The following ATRNL1 variants were observed in gnomAD, a reference collection of about 807,000 sequenced individuals.
The protein encoded by ATRNL1 is attractin like 1.
A neutral mutation model predicts 182.7 loss-of-function variants in ATRNL1; 95 were observed. That is an observed-to-expected ratio of 0.52 (90% CI 0.44 to 0.62). ATRNL1 has a LOEUF of 0.62. Among genes scored for constraint, ATRNL1 ranks in the 20% least tolerant of loss-of-function variants. The probability of loss-of-function intolerance (pLI) is 0.00; values close to 1 mark genes in which losing one functional copy is unlikely to be tolerated. For synonymous variants in ATRNL1, 576 were observed against 568.3 expected (o/e 1.01, Z -0.19); for missense variants, 1,471 against 1,679.5 (o/e 0.88, Z 2.17).
At chr10:115,811,397 T>C (rs1555086963) in intron 27 of ATRNL1, among the ~76,000 whole-genome samples, 4 of 151,988 alleles carry the variant, frequency 2.6e-5, no homozygotes, top group Non-Finnish European at 1.5e-5. Flanking sequence ...GTATGGTCTG[T>C]ATGGTGAAGG....
chr10:115,104,410 C>G (rs1002901170), intron 1 of ATRNL1, among the ~76,000 whole-genome samples: 3 of 151,966 alleles, frequency 2.0e-5, no homozygotes, highest in African/African-American at 7.2e-5. Flanking sequence ...TTTCTTACAG[C>G]ATTGTTTGAG....
At chr10:115,932,783 AT>A (rs1555121934) in intron 28 of ATRNL1, among the ~76,000 whole-genome samples, 1 of 152,198 alleles carries the variant, frequency 6.6e-6, no homozygotes, top group African/African-American at 2.4e-5. Context: ...ACAAAAATTC[AT>A]TTTTTTCTAG....
Position 115,815,032 on chromosome 10 carries a change from G to T in ATRNL1, c.3904-32845G>T, listed in dbSNP as rs182610561. Among the ~76,000 whole-genome samples the T allele has an allele frequency of 2.2e-4, 34 of 152,240 alleles. 2 individuals are homozygous for T. The East Asian group carries it at 3.7e-3, about 16-fold the overall frequency. On this transcript the variant is annotated intron_variant, in intron 27 of 28. Transcript: ENST00000355044. ...ATCAAGTTAGAAGAAAATCTGAGGA[G>T]CACATTTCCAAGACAACCCACCTAC...
intron 20 of ATRNL1, among the ~76,000 whole-genome samples, chr10:115,401,512 A>G (rs1405231632): frequency 1.3e-5 from 2 of 152,140 alleles, no homozygotes; most frequent in African/African-American, 4.8e-5. Flanking sequence ...AAAATGAGGG[A>G]TTATGATATT....
At chr10:115,561,424 T>C (rs7079610) in intron 26 of ATRNL1, among the ~76,000 whole-genome samples, 4,027 of 152,206 alleles carry the variant, frequency 0.026, 149 homozygotes, top group African/African-American at 0.09. Context: ...ATTGAAAATA[T>C]TCTGAAAAAA....
chr10:115,793,345 A>C (rs561356792), intron 27 of ATRNL1, among the ~76,000 whole-genome samples: 1 of 152,232 alleles, frequency 6.6e-6, no homozygotes, highest in South Asian at 2.1e-4. Context: ...CTCATCATAG[A>C]AAATGATGGT....
chr10:115,284,658 C>T (rs1359974101), intron 14 of ATRNL1, among the ~76,000 whole-genome samples: 7 of 152,124 alleles, frequency 4.6e-5, no homozygotes, highest in African/African-American at 1.7e-4. Context: ...AGTACTGAGA[C>T]ATTATTTGCT....
chr10:115,721,147 G>T (rs1285813158), intron 26 of ATRNL1, among the ~76,000 whole-genome samples: 1 of 152,098 alleles, frequency 6.6e-6, no homozygotes, highest in Non-Finnish European at 1.5e-5. Flanking sequence ...GTTCTGTGAG[G>T]TTCCTGCCAG....
intron 8 of ATRNL1, among the ~76,000 whole-genome samples, chr10:115,187,956 A>G (rs1848014810): frequency 6.6e-6 from 1 of 150,726 alleles, no homozygotes; most frequent in South Asian, 2.1e-4. Flanking sequence ...CTGGGATTAT[A>G]GGCGTGAGCC....
intron 20 of ATRNL1, among the ~76,000 whole-genome samples, chr10:115,396,137 A>G (rs1351301670): frequency 1.3e-5 from 2 of 151,934 alleles, no homozygotes; most frequent in African/African-American, 4.8e-5. Flanking sequence ...TTAGCCACCT[A>G]AGTATTACAG....
At chr10:115,133,158 A>AATAT (rs1845336742) in intron 5 of ATRNL1, among the ~76,000 whole-genome samples, 2 of 152,202 alleles carry the variant, frequency 1.3e-5, no homozygotes, top group Admixed American at 1.3e-4. Context: ...ATGGCTAGCC[A>AATAT]GTTTTCCCAG....
chr10:115,136,462 A>G (rs915093062), intron 5 of ATRNL1, among the ~76,000 whole-genome samples: 1 of 152,206 alleles, frequency 6.6e-6, no homozygotes, highest in African/African-American at 2.4e-5. Context: ...AACCAAAGTC[A>G]TAGTTTACAT....
intron 19 of ATRNL1, among the ~76,000 whole-genome samples, chr10:115,381,835 T>C (rs554080782): frequency 9.9e-5 from 15 of 152,116 alleles, no homozygotes; most frequent in Non-Finnish European, 1.8e-4. Context: ...TTAACTCTTA[T>C]ATTTAGGTGT....
At chr10:115,243,507 G>A (rs1850508467) in intron 10 of ATRNL1, among the ~76,000 whole-genome samples, 1 of 152,022 alleles carries the variant, frequency 6.6e-6, no homozygotes, top group South Asian at 2.1e-4. Flanking sequence ...TTAAACAGAT[G>A]AGAGTAACAG....
chr10:115,916,798 C>G (rs1555117375), intron 28 of ATRNL1, among the ~76,000 whole-genome samples: 1 of 152,178 alleles, frequency 6.6e-6, no homozygotes, highest in Non-Finnish European at 1.5e-5. Flanking sequence ...CTTCTGTTTA[C>G]TGGGAGCTCT....
At chr10:115,491,592 T>A (rs1346526064) in intron 24 of ATRNL1, among the ~76,000 whole-genome samples, 2 of 152,030 alleles carry the variant, frequency 1.3e-5, no homozygotes, top group African/African-American at 2.4e-5. Flanking sequence ...TGGACGCCAC[T>A]CCCCCCACCA....
At chr10:115,224,900 C>T (rs557494626) in intron 9 of ATRNL1, among the ~76,000 whole-genome samples, 7 of 152,230 alleles carry the variant, frequency 4.6e-5, no homozygotes, top group African/African-American at 1.7e-4. Flanking sequence ...AAAACAAATT[C>T]TCCAGGCCGT....
At chr10:115,196,496 G>A (rs1554891100) in intron 8 of ATRNL1, among the ~76,000 whole-genome samples, 1 of 152,070 alleles carries the variant, frequency 6.6e-6, no homozygotes, top group African/African-American at 2.4e-5. Flanking sequence ...AATTGGGGTT[G>A]CATTGGATCT....
chr10:115,684,126 A>G (rs1946141828), intron 26 of ATRNL1, among the ~76,000 whole-genome samples: 1 of 151,648 alleles, frequency 6.6e-6, no homozygotes, highest in Admixed American at 6.6e-5. Flanking sequence ...ATTGTAAGGA[A>G]AGTTGTTTTA....
Sources: allele counts gnomAD v4.1 joint callset (sites outside exome capture counted in the v4.1 genomes callset), GRCh38; gene constraint gnomAD v4.1.1; transcripts MANE v1.5; gene names NCBI Gene and HGNC (gene_info 2026-07-23, HGNC 2026-07-21).